The following ITSN2 variants were observed in gnomAD, a reference collection of about 807,000 sequenced individuals.
ITSN2 encodes the protein intersectin 2.
ITSN2 carries 156 observed loss-of-function variants against 243.7 expected under a neutral mutation model. That is an observed-to-expected ratio of 0.64 (90% CI 0.56 to 0.73). ITSN2 has a LOEUF of 0.73. Ranked by LOEUF, ITSN2 falls within the 30% of genes least tolerant of loss-of-function variation. ITSN2 has a pLI of 0.00. For missense variants in ITSN2, 1,801 were observed against 1,996.1 expected (o/e 0.90, Z 1.86); for synonymous variants, 703 against 699.9 (o/e 1.00, Z -0.07).
intron 8 of ITSN2, among the ~76,000 whole-genome samples, chr2:24,304,490 T>C (rs1682226260): frequency 6.6e-6 from 1 of 152,218 alleles, no homozygotes; most frequent in African/African-American, 2.4e-5. Context: ...ATTTTCATTC[T>C]ATTTTTTTAA....
intron 5 of ITSN2, 81 bp from the exon 6 acceptor site, chr2:24,310,773 T>C: frequency 9.2e-7 from 1 of 1,082,258 alleles, no homozygotes; most frequent in Non-Finnish European, 1.4e-6. Flanking sequence ...TACAGTACAG[T>C]GGGCAGACTC....
At chr2:24,308,791 TA>T in intron 7 of ITSN2, 35 bp from the exon 8 acceptor site, 1 of 1,078,248 alleles carries the variant, frequency 9.3e-7, no homozygotes, top group Non-Finnish European at 1.2e-6. Flanking sequence ...TTTATGTTAC[TA>T]AATAAAATAT....
intron 18 of ITSN2, among the ~76,000 whole-genome samples, chr2:24,274,696 C>A (rs2151480860): frequency 6.6e-6 from 1 of 152,192 alleles, no homozygotes; most frequent in South Asian, 2.1e-4. Context: ...CCAACAATAG[C>A]CACTCAAAAA....
chr2:24,216,418 C>T (rs565655347), intron 31 of ITSN2, 186 bp from the exon 32 acceptor site: 10 of 452,514 alleles, frequency 2.2e-5, no homozygotes, highest in South Asian at 6.0e-5. Context: ...TCAAGCCAAC[C>T]GGGGTGTGAT....
Position 24,301,168 on chromosome 2 carries a change from T to G in ITSN2, c.1067A>C (p.Gln356Pro). Residue 356 changes from glutamine (Q) to proline (P), a missense_variant, in exon 11 of 40, where the codon CAG becomes CCG. Coordinates refer to ENST00000355123, the MANE Select transcript of ITSN2 (RefSeq NM_006277.3). ...SYQKMQEEEPQKKLPVTFEDK... is the reference protein window; with the variant it reads ...SYQKMQEEEPPKKLPVTFEDK... ...CTCAGTGATACCTGGTAATTTCTTC[T>G]GAGGCTCCTCTTCTTGCATTTTCTG... 6.2e-7 allele frequency: 1 copy of G among 1,602,842 alleles called. No homozygotes were observed. The highest frequency in any genetic ancestry group is 1.3e-5 in the African/African-American group (1 of 74,834).
At chr2:24,216,295 A>C in intron 31 of ITSN2, 63 bp from the exon 32 acceptor site, 2 of 1,323,406 alleles carry the variant, frequency 1.5e-6, no homozygotes, top group South Asian at 1.6e-5. Context: ...TAAAGGATGA[A>C]TCCCATGGCA....
chr2:24,334,244 A>G (rs185980114), intron 1 of ITSN2, among the ~76,000 whole-genome samples: 65 of 152,176 alleles, frequency 4.3e-4, no homozygotes, highest in Middle Eastern at 3.4e-3. Context: ...TTATTAGTAG[A>G]GAGGAGGTTT....
At position 24,204,384 on chromosome 2, in the gene ITSN2, G is replaced by T; in HGVS notation, c.4797C>A (p.Gly1599=). The T allele has an allele frequency of 6.2e-7, 1 of 1,614,190 alleles. No individual in the cohort carries two copies. The highest frequency in any genetic ancestry group is 1.1e-5 in the South Asian group (1 of 91,088). Residue 1599 remains glycine (G), a synonymous_variant, in exon 39 of 40, where the codon GGC becomes GGA. Transcript: ENST00000355123. This position sits in a 1 kb window ranked among gnomAD's most constrained non-coding sequence, Gnocchi z 5.1. ...TGGTCCTGGTGGTGTAGCTCTGGGAGCCCATGCTGATTTCACAGTATGGGT... is the reference window on the plus strand; with the variant it reads ...TGGTCCTGGTGGTGTAGCTCTGGGATCCCATGCTGATTTCACAGTATGGGT... The part of the protein sequence containing the change: ...KSNPYCEISM[G]SQSYTTRTIQ...
intron 17 of ITSN2, among the ~76,000 whole-genome samples, chr2:24,279,543 CTT>C (rs887263392): frequency 3.3e-5 from 5 of 152,072 alleles, no homozygotes; most frequent in Non-Finnish European, 7.3e-5. Context: ...AATCACAAGA[CTT>C]TGCAAAGAAG....
chr2:24,209,044 A>T, intron 36 of ITSN2, 56 bp downstream of exon 36: 2 of 1,598,422 alleles, frequency 1.3e-6, no homozygotes, highest in Non-Finnish European at 1.7e-6. Context: ...TGGCAGAGGG[A>T]GACGTCCAGG....
At chr2:24,357,638 T>C (rs897569911) in intron 1 of ITSN2, among the ~76,000 whole-genome samples, 10 of 152,128 alleles carry the variant, frequency 6.6e-5, no homozygotes, top group Non-Finnish European at 1.0e-4. Context: ...TCTGCCTTTC[T>C]TCAAAAACAG....
chr2:24,230,604 C>T (rs184730013), intron 29 of ITSN2, among the ~76,000 whole-genome samples: 4 of 152,084 alleles, frequency 2.6e-5, no homozygotes, highest in Admixed American at 2.6e-4. Context: ...CCCGTCTCTA[C>T]TAAAAATATA....
chr2:24,281,194 A>T (rs1173270523), intron 17 of ITSN2, among the ~76,000 whole-genome samples: 1 of 152,036 alleles, frequency 6.6e-6, no homozygotes, highest in Non-Finnish European at 1.5e-5. Context: ...ACACCCAGCT[A>T]ATTTTTTGTA....
At chr2:24,214,083 G>A (rs1005933417) in intron 32 of ITSN2, among the ~76,000 whole-genome samples, 3 of 152,182 alleles carry the variant, frequency 2.0e-5, no homozygotes, top group African/African-American at 7.2e-5. Context: ...AGACAGTGAC[G>A]GGGCCGAGAT....
At chr2:24,231,824 C>T (rs570895917) in intron 29 of ITSN2, among the ~76,000 whole-genome samples, 5 of 152,252 alleles carry the variant, frequency 3.3e-5, no homozygotes, top group African/African-American at 1.2e-4. Flanking sequence ...GGAGCAGTGC[C>T]GGTGAACAAT....
intron 25 of ITSN2, among the ~76,000 whole-genome samples, chr2:24,251,194 G>C (rs370865574): frequency 6.7e-6 from 1 of 148,726 alleles, no homozygotes; most frequent in East Asian, 2.0e-4. Context: ...GCATGGTAGC[G>C]GATGGCTGTA....
At chr2:24,336,241 CA>C (rs756236002) in intron 1 of ITSN2, among the ~76,000 whole-genome samples, 309 of 47,976 alleles carry the variant, frequency 6.4e-3, no homozygotes, top group African/African-American at 9.7e-3. Context: ...GACTCTGTCT[CA>C]AAAAAAAAAA....
Position 24,310,388 on chromosome 2 carries a change from A to T in ITSN2, c.557-8T>A. On this transcript the variant is annotated splice_region_variant and splice_polypyrimidine_tract_variant and intron_variant, in intron 6 of 39. Coordinates refer to ENST00000355123, the MANE Select transcript of ITSN2 (RefSeq NM_006277.3). Reference sequence around the variant, plus strand: ...ATGACCCATGAGGCAATGCTAAAAAAGAAAAAGAAGGAAAAGTATGAAAGA... The same window carrying T: ...ATGACCCATGAGGCAATGCTAAAAATGAAAAAGAAGGAAAAGTATGAAAGA... 1 of 1,611,986 alleles carries T rather than the reference A, an allele frequency of 6.2e-7. No individual in the cohort carries two copies. The highest frequency in any genetic ancestry group is 8.5e-7 in the Non-Finnish European group (1 of 1,178,908).
rs932379672 is a variant in ITSN2, at chr2:24,325,364, C to G, written c.31+2688G>C. ...AGTCGAGGCTGCAGTGAGCTGTGTT[C>G]ATACCACTACACTCCAACCTGGGCA... On this transcript the variant is annotated intron_variant, in intron 2 of 39. Coordinates refer to ENST00000355123, the MANE Select transcript of ITSN2 (RefSeq NM_006277.3). Among the ~76,000 whole-genome samples, 5 of 152,080 alleles carry G rather than the reference C, an allele frequency of 3.3e-5. 1 individual carries two copies. The highest frequency in any genetic ancestry group is 1.2e-4 in the African/African-American group (5 of 41,354).
Sources: allele counts gnomAD v4.1 joint callset (sites outside exome capture counted in the v4.1 genomes callset), GRCh38; gene constraint gnomAD v4.1.1; non-coding constraint Gnocchi (gnomAD v3.1); transcripts MANE v1.5; gene names NCBI Gene and HGNC (gene_info 2026-07-23, HGNC 2026-07-21).